Variants in CDKL4 observed in about 807,000 individuals in gnomAD.
The protein encoded by CDKL4 is cyclin-dependent kinase-like 4.
A neutral mutation model predicts 42.0 loss-of-function variants in CDKL4; 44 were observed. The observed-to-expected ratio is 1.05, with a 90% CI of 0.82 to 1.35. CDKL4 has a LOEUF of 1.35. Among genes scored for constraint, CDKL4 ranks in the 40% most tolerant of loss-of-function variants. The pLI is 0.00. For synonymous variants in CDKL4, 120 were observed against 121.6 expected (o/e 0.99, Z 0.09); for missense variants, 393 against 369.9 (o/e 1.06, Z -0.51).
chr2:39,246,713 A>C (rs1679928539), upstream of CDKL4, among the ~76,000 whole-genome samples: 2 of 151,438 alleles, frequency 1.3e-5, no homozygotes, highest in South Asian at 4.2e-4. Context: ...TACAAATCTT[A>C]CTACACAAAG....
chr2:39,172,401 T>G (rs1412331792), downstream of CDKL4, among the ~76,000 whole-genome samples: 1 of 152,028 alleles, frequency 6.6e-6, no homozygotes, highest in Non-Finnish European at 1.5e-5. Context: ...CTGTTGTTCA[T>G]GGGCTGAAGG....
chr2:39,170,149 C>G, the CDKL4 span, among the ~76,000 whole-genome samples: 1 of 151,942 alleles, frequency 6.6e-6, no homozygotes, highest in African/African-American at 2.4e-5. Flanking sequence ...CAGGCGTGCA[C>G]CACCATGCCT....
At chr2:39,169,340 G>C in the CDKL4 span, among the ~76,000 whole-genome samples, 1 of 152,112 alleles carries the variant, frequency 6.6e-6, no homozygotes, top group Non-Finnish European at 1.5e-5. Context: ...GTGTTAGATG[G>C]TTGCCTGTAA....
At chr2:39,208,201 G>A (rs1002012973) in intron 4 of CDKL4, among the ~76,000 whole-genome samples, 11 of 152,126 alleles carry the variant, frequency 7.2e-5, no homozygotes, top group Non-Finnish European at 1.3e-4. Context: ...TAGACATACA[G>A]CATTCACCTA....
intron 1 of CDKL4, among the ~76,000 whole-genome samples, chr2:39,233,255 T>C (rs1470256254): frequency 6.6e-6 from 1 of 151,730 alleles, no homozygotes; most frequent in Non-Finnish European, 1.5e-5. Context: ...AGAAAACACA[T>C]CACAAGTGTA....
At chr2:39,179,380 G>A in intron 8 of CDKL4, 59 bp from the exon 9 acceptor site, 1 of 1,338,280 alleles carries the variant, frequency 7.5e-7, no homozygotes, top group South Asian at 1.5e-5. Flanking sequence ...TTGTTACCGT[G>A]CCCACAAACT....
intron 3 of CDKL4, among the ~76,000 whole-genome samples, chr2:39,224,613 C>T (rs1052465767): frequency 2.7e-5 from 4 of 150,802 alleles, no homozygotes; most frequent in Admixed American, 6.6e-5. Flanking sequence ...AAGCAATCAT[C>T]GTGCCTCAGC....
At chr2:39,185,751 G>A (rs1238664315) in intron 7 of CDKL4, among the ~76,000 whole-genome samples, 4 of 151,822 alleles carry the variant, frequency 2.6e-5, no homozygotes, top group African/African-American at 7.3e-5. Flanking sequence ...GTGAGCCACC[G>A]CGCCTGGCTT....
chr2:39,175,928 G>T (rs1357129328), exon 10 of CDKL4: 1 of 425,426 alleles, frequency 2.4e-6, no homozygotes, highest in African/African-American at 2.1e-5. Flanking sequence ...GAAACACTGA[G>T]AATTCCTATC....
intron 1 of CDKL4, among the ~76,000 whole-genome samples, chr2:39,238,540 G>A (rs926558400): frequency 1.3e-5 from 2 of 152,088 alleles, no homozygotes; most frequent in South Asian, 2.1e-4. Flanking sequence ...AAATGCATAC[G>A]ACCCAGAATA....
intron 3 of CDKL4, among the ~76,000 whole-genome samples, chr2:39,219,912 T>A (rs968887744): frequency 6.6e-6 from 1 of 152,158 alleles, no homozygotes; most frequent in Non-Finnish European, 1.5e-5. Flanking sequence ...AGAGCTTTAA[T>A]ATCTTGGTTC....
intron 3 of CDKL4, among the ~76,000 whole-genome samples, chr2:39,220,725 C>A (rs1254647908): frequency 6.6e-6 from 1 of 151,960 alleles, no homozygotes; most frequent in Admixed American, 6.6e-5. Flanking sequence ...GCTGGGATTA[C>A]AGGCACCTGC....
At chr2:39,173,455 T>A (rs139101574), downstream of CDKL4, among the ~76,000 whole-genome samples, 3 of 152,084 alleles carry the variant, frequency 2.0e-5, no homozygotes, top group Admixed American at 2.0e-4. Context: ...GGCAGGGAGA[T>A]TGCTTGAGCC....
downstream of CDKL4, among the ~76,000 whole-genome samples, chr2:39,172,314 C>T (rs547539818): frequency 4.7e-5 from 7 of 148,654 alleles, no homozygotes; most frequent in Admixed American, 2.0e-4. Context: ...ACTCTGTCCC[C>T]GCTCCGAAAA....
chr2:39,187,551 A>T (rs1675898625), intron 7 of CDKL4, 76 bp downstream of exon 7: 9 of 1,058,980 alleles, frequency 8.5e-6, no homozygotes, highest in Non-Finnish European at 1.1e-5. Flanking sequence ...TCTCAAAATA[A>T]ATAAATAAAT....
Position 39,180,334 on chromosome 2 carries a change from A to T in CDKL4, c.793-1013T>A, listed in dbSNP as rs576085541. ...CACCACCAGCACAAACATTGTTTTGAGGCATTCTCAAGCCCAGACAATTGC... is the reference window on the plus strand; with the variant it reads ...CACCACCAGCACAAACATTGTTTTGTGGCATTCTCAAGCCCAGACAATTGC... On this transcript the variant is annotated intron_variant, in intron 8 of 9. Coordinates refer to ENST00000451199, the Ensembl canonical transcript of CDKL4. 6.6e-5 allele frequency among the ~76,000 whole-genome samples: 10 copies of T among 152,358 alleles called. No homozygotes were observed. The East Asian group carries it at 1.9e-3, about 29-fold the overall frequency.
rs567997776 is a variant in CDKL4 at position 39,213,186 on chromosome 2, T to C, written c.363+214A>G. ...TTTTTGCAGAGACAGGGTCTTGCTA[T>C]GTTGCCCAGGCCTGTCTCAAACTCT... On this transcript the variant is annotated intron_variant, in intron 4 of 9. Coordinates refer to ENST00000451199, the Ensembl canonical transcript of CDKL4. 3.9e-5 allele frequency among the ~76,000 whole-genome samples: 6 copies of C among 152,272 alleles called. No homozygotes were observed. The South Asian group carries it at 1.2e-3, about 32-fold the overall frequency.
downstream of CDKL4, among the ~76,000 whole-genome samples, chr2:39,172,793 A>T (rs190563218): frequency 2.2e-4 from 33 of 152,056 alleles, no homozygotes; most frequent in African/African-American, 8.0e-4. Context: ...TGTTGGCCAG[A>T]CCGGTCTCGA....
rs796300737 is a variant in CDKL4, at chr2:39,185,460, GTA to G, written c.736-815_736-814del. 8.0e-4 allele frequency among the ~76,000 whole-genome samples: 83 copies of G among 103,970 alleles called. 10 individuals carry two copies. The highest frequency in any genetic ancestry group is 1.0e-3 in the Non-Finnish European group (55 of 52,514). 68.2% of individuals were successfully genotyped at this position (103,970 alleles called of 152,430 possible). ...TATATACATGTATATATACATATGT[GTA>G]TATATATATATATATATTTGAGACA... On this transcript the variant is annotated intron_variant, in intron 7 of 9. Coordinates refer to ENST00000451199, the Ensembl canonical transcript of CDKL4.
Sources: gnomAD v4.1 joint callset for allele counts (sites outside exome capture counted in the v4.1 genomes callset) on GRCh38, gnomAD v4.1.1 for gene constraint, MANE v1.5 for transcripts, NCBI Gene and HGNC (gene_info 2026-07-23, HGNC 2026-07-21) for gene names.